The following ST8SIA6 variants were observed in gnomAD, a reference collection of about 807,000 sequenced individuals.
ST8SIA6 encodes ST8 alpha-N-acetyl-neuraminide alpha-2,8-sialyltransferase 6.
In ST8SIA6, 39 loss-of-function variants were observed where a neutral mutation model predicts 33.6. The observed-to-expected ratio is 1.16, with a 90% CI of 0.90 to 1.52. ST8SIA6 has a LOEUF of 1.52. Among genes scored for constraint, ST8SIA6 ranks in the 40% most tolerant of loss-of-function variants. ST8SIA6 has a pLI of 0.00. For missense variants in ST8SIA6, 441 were observed against 443.8 expected, an observed-to-expected ratio of 0.99 and a Z score of 0.06; for synonymous variants, 172 against 167.2, an observed-to-expected ratio of 1.03 and a Z score of -0.22.
At position 17,451,381 on chromosome 10, in the gene ST8SIA6, A is replaced by G. The variant is rs1212771730; in HGVS notation, c.200+2178T>C. Among the ~76,000 whole-genome samples, 7 of 152,208 alleles carry G rather than the reference A, an allele frequency of 4.6e-5. No homozygotes were observed. In the East Asian group the frequency reaches 1.3e-3, roughly 29 times the overall value. On this transcript the variant is annotated intron_variant, in intron 2 of 7. Coordinates refer to ENST00000377602, the MANE Select transcript of ST8SIA6 (RefSeq NM_001004470.3). ...CTAAATAATGTGTACATATAGACAC[A>G]GATTGTGGAATAATAAACACTGGAG...
intron 4 of ST8SIA6, among the ~76,000 whole-genome samples, chr10:17,335,284 G>A (rs1422922415): frequency 6.6e-6 from 1 of 152,196 alleles, no homozygotes; most frequent in South Asian, 2.1e-4. Flanking sequence ...AAGAAATGTT[G>A]ATGGTAGTGA....
chr10:17,434,588 A>G (rs1852194933), intron 2 of ST8SIA6, among the ~76,000 whole-genome samples: 1 of 152,170 alleles, frequency 6.6e-6, no homozygotes, highest in African/African-American at 2.4e-5. Context: ...TTCTTTTCTT[A>G]GGGGACTTGC....
intron 4 of ST8SIA6, among the ~76,000 whole-genome samples, chr10:17,342,940 C>T (rs972650634): frequency 6.6e-6 from 1 of 152,120 alleles, no homozygotes; most frequent in African/African-American, 2.4e-5. Flanking sequence ...CAGAGACACC[C>T]TCTCAAAAAA....
At chr10:17,389,961 A>G (rs959158364) in intron 3 of ST8SIA6, among the ~76,000 whole-genome samples, 2 of 152,080 alleles carry the variant, frequency 1.3e-5, no homozygotes, top group African/African-American at 4.8e-5. Context: ...AGCTGAAACT[A>G]CAGACCTGAG....
chr10:17,374,075 AC>A (rs1849815656), intron 3 of ST8SIA6, among the ~76,000 whole-genome samples: 1 of 84,198 alleles, frequency 1.2e-5, no homozygotes, highest in Non-Finnish European at 2.3e-5. Flanking sequence ...CAACCACCAC[AC>A]ACACACACAC....
intron 2 of ST8SIA6, among the ~76,000 whole-genome samples, chr10:17,395,754 G>A (rs548185606): frequency 4.3e-4 from 66 of 152,132 alleles, no homozygotes; most frequent in African/African-American, 1.6e-3. Context: ...GTGGTGGCAC[G>A]TGCCTGTAAT....
intron 3 of ST8SIA6, among the ~76,000 whole-genome samples, chr10:17,384,530 G>A (rs1358000544): frequency 2.0e-5 from 3 of 152,184 alleles, no homozygotes; most frequent in African/African-American, 7.2e-5. Flanking sequence ...GATAGTACAC[G>A]TGTTAAATTC....
intron 3 of ST8SIA6, among the ~76,000 whole-genome samples, chr10:17,382,431 A>G (rs900649201): frequency 6.6e-6 from 1 of 152,000 alleles, no homozygotes; most frequent in Non-Finnish European, 1.5e-5. Flanking sequence ...ATTTCTGGCT[A>G]ATTTTTGTAT....
intron 3 of ST8SIA6, chr10:17,387,056 A>G (rs11819016): frequency 0.038 from 5,770 of 152,230 alleles, 136 homozygotes; most frequent in African/African-American, 0.062. Context: ...CCGGATGGCA[A>G]AAGAGCCCAG....
chr10:17,351,981 A>G (rs1403965414), intron 4 of ST8SIA6, among the ~76,000 whole-genome samples: 1 of 152,186 alleles, frequency 6.6e-6, no homozygotes, highest in African/African-American at 2.4e-5. Context: ...CATGGTGACC[A>G]TAGTTCCTAA....
intron 4 of ST8SIA6, among the ~76,000 whole-genome samples, chr10:17,336,429 T>A (rs7924053): frequency 6.6e-6 from 1 of 151,892 alleles, no homozygotes; most frequent in Non-Finnish European, 1.5e-5. Context: ...ATAGTTGTAC[T>A]TGTTGCAATT....
rs111422004 is a variant in ST8SIA6 at position 17,320,482 on chromosome 10, A to G, written c.*396T>C. On this transcript the variant is annotated 3_prime_UTR_variant, in exon 8 of 8. Coordinates refer to ENST00000377602, the MANE Select transcript of ST8SIA6 (RefSeq NM_001004470.3). Reference sequence around the variant, plus strand: ...GAGACCTGCCACAGAAAGAAATCCAATGGATACTGGTAATGCAGCTATTCT... The same window carrying G: ...GAGACCTGCCACAGAAAGAAATCCAGTGGATACTGGTAATGCAGCTATTCT... The G allele has an allele frequency of 6.4e-3, 1,101 of 173,190 alleles. 4 individuals are homozygous for G. The highest frequency in any genetic ancestry group is 0.012 in the South Asian group (82 of 6,806). The allele number at this position is 173,190 out of a possible 1,614,324, so 10.7% of individuals were successfully genotyped here. A position where few individuals can be genotyped will look rare whatever the true frequency, so the allele number is the denominator to read the frequency against.
At chr10:17,429,456 G>A (rs767987091) in intron 2 of ST8SIA6, among the ~76,000 whole-genome samples, 4 of 151,456 alleles carry the variant, frequency 2.6e-5, no homozygotes, top group African/African-American at 4.9e-5. Flanking sequence ...GCTCGTCCCC[G>A]GAGACACAGC....
At chr10:17,437,742 C>T (rs769372907) in intron 2 of ST8SIA6, among the ~76,000 whole-genome samples, 5 of 147,720 alleles carry the variant, frequency 3.4e-5, no homozygotes, top group Non-Finnish European at 7.5e-5. Flanking sequence ...CCCTTTCTCT[C>T]TTTCTCTCTT....
At chr10:17,438,084 A>G (rs72778940) in intron 2 of ST8SIA6, among the ~76,000 whole-genome samples, 44 of 152,108 alleles carry the variant, frequency 2.9e-4, no homozygotes, top group Non-Finnish European at 5.6e-4. Context: ...TCTCTCTTGG[A>G]CTAAACTCTC....
chr10:17,333,923 T>C (rs1029690364), intron 4 of ST8SIA6, among the ~76,000 whole-genome samples: 2 of 149,652 alleles, frequency 1.3e-5, no homozygotes, highest in Non-Finnish European at 3.0e-5. Context: ...GGTCCAACCA[T>C]GTTGGCCAGG....
At chr10:17,403,022 C>G (rs1588891995) in intron 2 of ST8SIA6, among the ~76,000 whole-genome samples, 1 of 152,200 alleles carries the variant, frequency 6.6e-6, no homozygotes, top group East Asian at 1.9e-4. Flanking sequence ...ACCATGAACA[C>G]TATCACTGCC....
intron 2 of ST8SIA6, among the ~76,000 whole-genome samples, chr10:17,440,577 A>G (rs1207154810): frequency 6.6e-6 from 1 of 152,136 alleles, no homozygotes; most frequent in East Asian, 1.9e-4. Flanking sequence ...CCATACATTC[A>G]TAAGGAGTAG....
At chr10:17,340,416 T>C (rs1286676888) in intron 4 of ST8SIA6, among the ~76,000 whole-genome samples, 2 of 151,524 alleles carry the variant, frequency 1.3e-5, no homozygotes. Context: ...CCAAAACTGC[T>C]CACCCCGCCA....
Sources: allele counts gnomAD v4.1 joint callset (sites outside exome capture counted in the v4.1 genomes callset), GRCh38; gene constraint gnomAD v4.1.1; transcripts MANE v1.5; gene names NCBI Gene and HGNC (gene_info 2026-07-23, HGNC 2026-07-21).